Variants in LRRC75A observed in about 807,000 individuals in gnomAD.
LRRC75A encodes leucine rich repeat containing 75A, also known as leucine-rich repeat-containing protein 75A.
Under a neutral mutation model 26.0 loss-of-function variants are expected in LRRC75A, and 12 were observed. That is an observed-to-expected ratio of 0.46 (90% CI 0.30 to 0.75). LRRC75A has a LOEUF of 0.75. Ranked by LOEUF, LRRC75A falls within the 30% of genes least tolerant of loss-of-function variation. The pLI is 0.08. For missense variants in LRRC75A, 410 were observed against 486.6 expected, an observed-to-expected ratio of 0.84 and a Z score of 1.48; for synonymous variants, 223 against 219.3, an observed-to-expected ratio of 1.02 and a Z score of -0.15.
intron 1 of LRRC75A, among the ~76,000 whole-genome samples, chr17:16,466,734 C>T (rs1237516658): frequency 6.6e-6 from 1 of 152,154 alleles, no homozygotes; most frequent in African/African-American, 2.4e-5. Context: ...CCCTACATAA[C>T]TGGAGCTTGG....
intron 1 of LRRC75A, among the ~76,000 whole-genome samples, chr17:16,473,129 CTG>C (rs10640541): frequency 6.3e-4 from 94 of 148,592 alleles, no homozygotes; most frequent in East Asian, 2.1e-3. Context: ...TGTAAGTAGT[CTG>C]TGTGTGTGTG....
intron 1 of LRRC75A, among the ~76,000 whole-genome samples, chr17:16,465,804 C>T (rs2093764016): frequency 6.6e-6 from 1 of 152,238 alleles, no homozygotes; most frequent in African/African-American, 2.4e-5. Context: ...CTCTGCCTCT[C>T]TGGAGCACTG....
chr17:16,465,020 G>A (rs888855214), intron 1 of LRRC75A, among the ~76,000 whole-genome samples: 1 of 152,256 alleles, frequency 6.6e-6, no homozygotes, highest in Non-Finnish European at 1.5e-5. Flanking sequence ...GGCAGATGAG[G>A]TGGAAACAGA....
intron 2 of LRRC75A, among the ~76,000 whole-genome samples, chr17:16,455,598 G>A (rs937047684): frequency 6.6e-6 from 1 of 151,774 alleles, no homozygotes; most frequent in Non-Finnish European, 1.5e-5. Flanking sequence ...GGTCAGGCTG[G>A]TCTCAAATCC....
chr17:16,455,686 T>C (rs1316346388), intron 2 of LRRC75A, among the ~76,000 whole-genome samples: 1 of 152,134 alleles, frequency 6.6e-6, no homozygotes, highest in Non-Finnish European at 1.5e-5. Context: ...TACAACCCTA[T>C]GAGACAGGTA....
intron 1 of LRRC75A, among the ~76,000 whole-genome samples, chr17:16,476,938 C>T (rs941359800): frequency 5.9e-5 from 9 of 151,806 alleles, no homozygotes; most frequent in Non-Finnish European, 8.8e-5. Flanking sequence ...CGGGGTTTCA[C>T]CGTGTTAGCC....
intron 1 of LRRC75A, among the ~76,000 whole-genome samples, chr17:16,468,697 T>C (rs1035023302): frequency 2.6e-5 from 4 of 152,240 alleles, no homozygotes; most frequent in African/African-American, 7.2e-5. Context: ...ATGGTTGAGA[T>C]AGTAAATTTT....
intron 1 of LRRC75A, among the ~76,000 whole-genome samples, chr17:16,473,955 C>T (rs1278717324): frequency 6.6e-6 from 1 of 152,214 alleles, no homozygotes; most frequent in African/African-American, 2.4e-5. Context: ...TAAAAAATGA[C>T]ACCCTCTGTG....
chr17:16,448,765 TGAG>T (rs975059519), intron 2 of LRRC75A, among the ~76,000 whole-genome samples: 1 of 152,054 alleles, frequency 6.6e-6, no homozygotes, highest in African/African-American at 2.4e-5. Context: ...AACAACCACT[TGAG>T]GACACAGGAG....
intron 1 of LRRC75A, among the ~76,000 whole-genome samples, chr17:16,464,590 A>G (rs930048072): frequency 2.0e-5 from 3 of 152,182 alleles, no homozygotes; most frequent in Non-Finnish European, 2.9e-5. Flanking sequence ...TCCTCCCTGG[A>G]AGGCCCGTCC....
At position 16,491,807 on chromosome 17, in the gene LRRC75A, G is replaced by A. The variant is rs980967768; in HGVS notation, c.184C>T (p.Leu62=). ...CGCCGGCCCTGGCGCACCATCCGCA[G>A]CAGCTCCTGGACCATGCCGACTCGC... ...HRRVGMVQEL[L]RMVRQGRREE... Residue 62 remains leucine (L), a synonymous_variant, in exon 1 of 4, where the codon CTG becomes TTG. Transcript: ENST00000470794. The surrounding 1 kb of genome is among the most constrained non-coding windows in gnomAD (Gnocchi z 5.9). 24 of 1,437,128 alleles carry A rather than the reference G, an allele frequency of 1.7e-5. No individual in the cohort carries two copies. Among genetic ancestry groups the A allele is most frequent in the Non-Finnish European group, 2.2e-5 (24 of 1,096,498 alleles). The allele number at this position is 1,437,128 out of a possible 1,614,324, so 89.0% of individuals were successfully genotyped here.
At chr17:16,449,909 G>A (rs1443432119) in intron 2 of LRRC75A, among the ~76,000 whole-genome samples, 4 of 152,154 alleles carry the variant, frequency 2.6e-5, no homozygotes, top group Non-Finnish European at 4.4e-5. Context: ...GAGCCACCGC[G>A]CCCAGGCTGA....
rs1325651525 is a variant in LRRC75A at position 16,442,429 on chromosome 17, G to T, written c.*1159C>A. The T allele has an allele frequency of 6.6e-6, 1 of 152,270 alleles. No homozygotes were observed. Among genetic ancestry groups the T allele is most frequent in the Non-Finnish European group, 1.5e-5 (1 of 68,080 alleles). 9.4% of individuals were successfully genotyped at this position (152,270 alleles called of 1,614,324 possible). ...GATTGGCTCCCAGTCTTCCTGGACT[G>T]AACTACTTGGATCTAGGGGTTGCCT... On this transcript the variant is annotated 3_prime_UTR_variant, in exon 4 of 4. Transcript: ENST00000470794.
chr17:16,464,248 TG>T (rs201583932), intron 1 of LRRC75A, among the ~76,000 whole-genome samples: 8,948 of 152,220 alleles, frequency 0.059, 873 homozygotes, highest in African/African-American at 0.2. Flanking sequence ...AACCAGGACC[TG>T]GGGGCTCAAG....
intron 1 of LRRC75A, among the ~76,000 whole-genome samples, chr17:16,477,018 G>A (rs533796078): frequency 2.5e-4 from 38 of 152,196 alleles, no homozygotes; most frequent in South Asian, 1.0e-3. Context: ...GATTACAGGC[G>A]TGAGCCACTG....
intron 1 of LRRC75A, among the ~76,000 whole-genome samples, chr17:16,485,681 T>TGTGTGC (rs1555893699): frequency 7.4e-5 from 10 of 135,438 alleles, no homozygotes; most frequent in East Asian, 4.1e-4. Context: ...CGTGTGTGTG[T>TGTGTGC]GTGTGTGTGT....
rs190425643 is a variant in LRRC75A, at chr17:16,483,119, A to C, written c.246+8626T>G. Among the ~76,000 whole-genome samples the C allele has an allele frequency of 2.7e-3, 405 of 152,340 alleles. 1 individual carries two copies. The highest frequency in any genetic ancestry group is 4.5e-3 in the Admixed American group (69 of 15,304). The stretch of plus-strand genomic sequence containing the variant: ...CCCCACAGTAGGCAGAAAGGTGGCA[A>C]GGGAGCCAGGCACTGAGTCATGTGG... On this transcript the variant is annotated intron_variant, in intron 1 of 3. Coordinates refer to ENST00000470794, the MANE Select transcript of LRRC75A (RefSeq NM_001113567.3).
chr17:16,491,712 G>A lies in LRRC75A; in HGVS notation c.246+33C>T. 3 of 1,087,698 alleles carry A rather than the reference G, an allele frequency of 2.8e-6. No individual in the cohort carries two copies. The highest frequency in any genetic ancestry group is 3.5e-6 in the Non-Finnish European group (3 of 847,348). 67.4% of individuals were successfully genotyped at this position (1,087,698 alleles called of 1,614,324 possible). A position where few individuals can be genotyped will look rare whatever the true frequency, so the allele number is the denominator to read the frequency against. On this transcript the variant is annotated intron_variant, in intron 1 of 3. Coordinates refer to ENST00000470794, the MANE Select transcript of LRRC75A (RefSeq NM_001113567.3). The surrounding 1 kb of genome is among the most constrained non-coding windows in gnomAD (Gnocchi z 5.9). The stretch of plus-strand genomic sequence containing the variant: ...CCCGGCCCAGCACGCCCCCTGGCCC[G>A]GCGCGCCCCCCGCGCCCCCTCCCCG...
At chr17:16,460,181 A>C (rs2093716764) in intron 2 of LRRC75A, among the ~76,000 whole-genome samples, 1 of 152,204 alleles carries the variant, frequency 6.6e-6, no homozygotes, top group Admixed American at 6.5e-5. Flanking sequence ...GGTCCTTGCC[A>C]GTCACCAACC....
Sources: gnomAD v4.1 joint callset for allele counts (sites outside exome capture counted in the v4.1 genomes callset) on GRCh38, gnomAD v4.1.1 for gene constraint, Gnocchi (gnomAD v3.1) non-coding constraint, MANE v1.5 for transcripts, NCBI Gene and HGNC (gene_info 2026-07-23, HGNC 2026-07-21) for gene names.